OSMR: variants seen among roughly 807,000 people sequenced by gnomAD.
The protein encoded by OSMR is oncostatin-M-specific receptor subunit beta.
A neutral mutation model predicts 99.9 loss-of-function variants in OSMR; 81 were observed. That is an observed-to-expected ratio of 0.81 (90% confidence interval 0.68 to 0.97). The LOEUF is 0.97. Among genes scored for constraint, OSMR ranks in the 50% least tolerant of loss-of-function variants. The pLI is 0.00. For missense variants in OSMR, 1,099 were observed against 1,153.4 expected, an observed-to-expected ratio of 0.95 and a Z score of 0.68; for synonymous variants, 406 against 410.4, an observed-to-expected ratio of 0.99 and a Z score of 0.13.
intron 6 of OSMR, 123 bp from the exon 7 acceptor site, chr5:38,885,916 A>T (rs664176): frequency 0.32 from 481,759 of 1,484,352 alleles, 81,518 homozygotes; most frequent in African/African-American, 0.37. Context: ...TGGATGGATC[A>T]ATGCCATTAT....
intron 15 of OSMR, among the ~76,000 whole-genome samples, chr5:38,930,368 G>A (rs1346146102): frequency 1.3e-5 from 2 of 152,152 alleles, no homozygotes; most frequent in South Asian, 2.1e-4. Context: ...CTCATAGCAC[G>A]GGCTTGTGCA....
chr5:38,909,887 T>C (rs1027076291), intron 9 of OSMR, among the ~76,000 whole-genome samples: 2 of 152,144 alleles, frequency 1.3e-5, no homozygotes, highest in Non-Finnish European at 2.9e-5. Context: ...GTATTAAACT[T>C]GAATGCGCAC....
downstream of OSMR, among the ~76,000 whole-genome samples, chr5:38,936,871 A>T (rs1747070507): frequency 2.6e-5 from 4 of 152,204 alleles, no homozygotes; most frequent in South Asian, 8.3e-4. Context: ...TTGTTTTAGT[A>T]TATTTTAGTT....
chr5:38,936,861 TTG>T (rs1428589193), downstream of OSMR, among the ~76,000 whole-genome samples: 3 of 152,208 alleles, frequency 2.0e-5, no homozygotes, highest in African/African-American at 7.2e-5. Flanking sequence ...TTAAGGAAAG[TTG>T]TTTTAGTATA....
intron 9 of OSMR, among the ~76,000 whole-genome samples, chr5:38,913,377 G>A (rs1030150798): frequency 1.3e-5 from 2 of 151,716 alleles, no homozygotes; most frequent in East Asian, 1.9e-4. Flanking sequence ...GTGAAACCCC[G>A]TCTCTACTAA....
intron 7 of OSMR, among the ~76,000 whole-genome samples, chr5:38,886,965 C>G (rs1222049214): frequency 6.6e-6 from 1 of 152,146 alleles, no homozygotes; most frequent in East Asian, 1.9e-4. Context: ...TTCATATATT[C>G]TTACCAAGTT....
intron 11 of OSMR, among the ~76,000 whole-genome samples, chr5:38,920,921 T>C (rs929145008): frequency 6.6e-6 from 1 of 152,226 alleles, no homozygotes; most frequent in Non-Finnish European, 1.5e-5. Flanking sequence ...GTATTAGTCA[T>C]AAACTGTGTG....
intron 1 of OSMR, among the ~76,000 whole-genome samples, chr5:38,865,424 T>C (rs1309982128): frequency 6.6e-6 from 1 of 152,188 alleles, no homozygotes; most frequent in Non-Finnish European, 1.5e-5. Context: ...GTATCAATAG[T>C]ATTGGTTGGG....
At chr5:38,926,711 T>C (rs750848092) in intron 15 of OSMR, among the ~76,000 whole-genome samples, 6 of 152,128 alleles carry the variant, frequency 3.9e-5, no homozygotes, top group South Asian at 2.1e-4. Context: ...TGCCAAACCA[T>C]ATCATTCCAC....
rs1396827446 is a variant in OSMR at position 38,918,863 on chromosome 5, T to A, written c.1386T>A (p.Asn462Lys). 3 of 1,613,988 alleles carry A rather than the reference T, an allele frequency of 1.9e-6. No individual in the cohort carries two copies. The highest frequency in any genetic ancestry group is 2.7e-5 in the African/African-American group (2 of 74,920). Reference sequence around the variant, plus strand: ...AGCCATTATCAAAACTGCATGCCAATGGAAAGATCCTGTTCTATAATGTAG... The same window carrying A: ...AGCCATTATCAAAACTGCATGCCAAAGGAAAGATCCTGTTCTATAATGTAG... ...FWKPLSKLHA[N>K]GKILFYNVVV... The change falls in exon 11 of 18, where the codon AAT (asparagine) becomes AAA (lysine). Residue 462 changes from asparagine (N) to lysine (K), a missense_variant. Coordinates refer to ENST00000274276, the MANE Select transcript of OSMR (RefSeq NM_003999.3).
chr5:38,849,661 T>C (rs1740201033), intron 1 of OSMR, among the ~76,000 whole-genome samples: 2 of 152,216 alleles, frequency 1.3e-5, no homozygotes, highest in African/African-American at 2.4e-5. Flanking sequence ...GAGTTTATAA[T>C]TGTTAGCAAT....
intron 9 of OSMR, among the ~76,000 whole-genome samples, chr5:38,912,545 T>C (rs1200912120): frequency 6.6e-6 from 1 of 152,162 alleles, no homozygotes; most frequent in East Asian, 1.9e-4. Flanking sequence ...ACTATCAATG[T>C]TATTTTTCAC....
intron 7 of OSMR, 184 bp from the exon 8 acceptor site, chr5:38,903,698 T>A (rs1223005537): frequency 2.6e-6 from 2 of 758,656 alleles, no homozygotes; most frequent in African/African-American, 1.9e-5. Context: ...TGCAGTAGAA[T>A]CATTGAGAGA....
At chr5:38,940,890 T>C (rs528177561) in intron 1 of OSMR, 1 of 232,424 alleles carries the variant, frequency 4.3e-6, no homozygotes, top group Non-Finnish European at 8.5e-6. Flanking sequence ...AATGTTGCTA[T>C]GACTGTGTCA....
intron 1 of OSMR, among the ~76,000 whole-genome samples, chr5:38,861,933 C>G (rs552974294): frequency 4.5e-5 from 6 of 132,396 alleles, no homozygotes; most frequent in Admixed American, 7.2e-5. Context: ...CTGACCCCCC[C>G]ACCTCCCACC....
intron 1 of OSMR, among the ~76,000 whole-genome samples, chr5:38,862,606 C>T (rs142090164): frequency 0.066 from 9,690 of 146,590 alleles, 827 homozygotes; most frequent in East Asian, 0.46. Context: ...CAGACCGGGT[C>T]GCGGCCAGGC....
At chr5:38,862,413 C>CA (rs766567393) in intron 1 of OSMR, among the ~76,000 whole-genome samples, 9 of 121,840 alleles carry the variant, frequency 7.4e-5, no homozygotes, top group African/African-American at 1.0e-4. Flanking sequence ...GCTGGCCGGG[C>CA]GGGGGCTGAC....
At chr5:38,944,256 A>T in exon 2 of OSMR, 1 of 664,324 alleles carries the variant, frequency 1.5e-6, no homozygotes, top group East Asian at 3.0e-5. Context: ...ACTTGCTTCT[A>T]CATTCAATCT....
At chr5:38,918,666 T>C in intron 10 of OSMR, 174 bp from the exon 11 acceptor site, 9 of 870,100 alleles carry the variant, frequency 1.0e-5, no homozygotes, top group South Asian at 5.3e-5. Flanking sequence ...TCAGTTAGAT[T>C]TGAATGTCTG....
Sources: allele counts gnomAD v4.1 joint callset (sites outside exome capture counted in the v4.1 genomes callset), GRCh38; gene constraint gnomAD v4.1.1; transcripts MANE v1.5; gene names NCBI Gene and HGNC (gene_info 2026-07-23, HGNC 2026-07-21).